The following FANCL variants were observed in gnomAD, a reference collection of about 807,000 sequenced individuals.
FANCL encodes the protein E3 ubiquitin-protein ligase FANCL.
FANCL carries 69 observed loss-of-function variants against 59.4 expected under a neutral mutation model. The observed-to-expected ratio is 1.16, with a 90% CI of 0.96 to 1.42. The LOEUF (loss-of-function observed/expected upper bound fraction) is 1.42. Ranked by LOEUF, FANCL falls within the 40% of genes most tolerant of loss-of-function variation. The pLI, the probability that FANCL is intolerant of heterozygous loss-of-function variation, is 0.00. For missense variants in FANCL, 519 were observed against 447.2 expected (o/e 1.16, Z -1.45); for synonymous variants, 180 against 147.1 (o/e 1.22, Z -1.62).
intron 4 of FANCL, among the ~76,000 whole-genome samples, chr2:58,224,674 G>A (rs1314798232): frequency 6.6e-6 from 1 of 151,758 alleles, no homozygotes; most frequent in Non-Finnish European, 1.5e-5. Flanking sequence ...AGCAATATTA[G>A]TATTGTAATT....
chr2:58,241,335 C>G (rs1463535620), upstream of FANCL: 1 of 1,612,364 alleles, frequency 6.2e-7, no homozygotes, highest in South Asian at 1.1e-5. Context: ...CGGAGAAACA[C>G]AGAAAAGCTC....
intron 5 of FANCL, among the ~76,000 whole-genome samples, 159 bp downstream of exon 5, chr2:58,221,783 T>A (rs371626362): frequency 2.6e-5 from 4 of 152,226 alleles, no homozygotes; most frequent in African/African-American, 9.6e-5. Flanking sequence ...TTTATGATGA[T>A]ATCCCTCTCT....
At chr2:58,203,819 T>C (rs1301407282) in intron 6 of FANCL, among the ~76,000 whole-genome samples, 3 of 152,050 alleles carry the variant, frequency 2.0e-5, no homozygotes, top group Admixed American at 6.6e-5. Flanking sequence ...AAGTGTCCAC[T>C]GTCTTCTACA....
In FANCL at chr2:58,198,668, A is replaced by T. The variant is rs762397392; in HGVS notation, c.472-6T>A. On this transcript the variant is annotated splice_polypyrimidine_tract_variant and splice_region_variant and intron_variant, in intron 6 of 13. Coordinates refer to ENST00000233741, the MANE Select transcript of FANCL (RefSeq NM_018062.4). ...TCTGGTGATTCTGCAGGATACTATT[A>T]AAAAAGCATAACATTAGACCATTTT... The T allele has an allele frequency of 1.2e-6, 2 of 1,610,448 alleles. No individual in the cohort carries two copies. Among genetic ancestry groups the T allele is most frequent in the South Asian group, 1.1e-5 (1 of 90,966 alleles).
At chr2:58,230,199 A>G (rs1390059231) in intron 2 of FANCL, among the ~76,000 whole-genome samples, 1 of 152,260 alleles carries the variant, frequency 6.6e-6, no homozygotes, top group Non-Finnish European at 1.5e-5. Context: ...AGTTTTGATA[A>G]CAATATATCA....
intron 8 of FANCL, 83 bp downstream of exon 8, chr2:58,165,640 GA>G (rs1685846136): frequency 1.3e-6 from 2 of 1,545,036 alleles, no homozygotes; most frequent in African/African-American, 2.7e-5. Context: ...AAAGAAGTCT[GA>G]GTCCAACTGT....
chr2:58,168,527 G>T lies in FANCL; in HGVS notation c.541-2653C>A, dbSNP rs182431723. 1.3e-3 allele frequency among the ~76,000 whole-genome samples: 198 copies of T among 152,150 alleles called. 1 individual carries two copies. The highest frequency in any genetic ancestry group is 3.4e-3 in the Middle Eastern group (1 of 294). On this transcript the variant is annotated intron_variant, in intron 7 of 13. Transcript: ENST00000233741. ...AAGCACAAAACTGGGTGGTCATTTGGGCAGACATTGAGCTAGCTACAGGAG... is the reference window on the plus strand; with the variant it reads ...AAGCACAAAACTGGGTGGTCATTTGTGCAGACATTGAGCTAGCTACAGGAG...
rs565577240 is a variant in FANCL at position 58,176,849 on chromosome 2, C to G, written c.541-10975G>C. On this transcript the variant is annotated intron_variant, in intron 7 of 13. Coordinates refer to ENST00000233741, the MANE Select transcript of FANCL (RefSeq NM_018062.4). ...ACCATCAGAGTGAACAGGCAACCTA[C>G]AAAATGGGAGAACATTTTCGCAACC... Among the ~76,000 whole-genome samples the G allele has an allele frequency of 7.4e-3, 1,122 of 152,178 alleles. 15 individuals carry two copies. The highest frequency in any genetic ancestry group is 0.025 in the African/African-American group (1,052 of 41,512).
chr2:58,230,696 C>G (rs952673717), intron 2 of FANCL, among the ~76,000 whole-genome samples: 1 of 152,192 alleles, frequency 6.6e-6, no homozygotes, highest in African/African-American at 2.4e-5. Context: ...CCATCCCTAT[C>G]TCCTCTCTTA....
chr2:58,170,616 G>A (rs1289471421), intron 7 of FANCL, among the ~76,000 whole-genome samples: 1 of 151,230 alleles, frequency 6.6e-6, no homozygotes, highest in Non-Finnish European at 1.5e-5. Flanking sequence ...CTGTATTCAG[G>A]AGATCCATCT....
At chr2:58,202,239 T>TAAAAAAAA (rs5831491) in intron 6 of FANCL, among the ~76,000 whole-genome samples, 2 of 106,092 alleles carry the variant, frequency 1.9e-5, no homozygotes, top group East Asian at 3.1e-4. Context: ...ACCTTTTTCC[T>TAAAAAAAA]AAAAAAAAAA....
Position 58,208,123 on chromosome 2 carries a change from T to G in FANCL, c.375-3897A>C, listed in dbSNP as rs577884164. 3.9e-4 allele frequency among the ~76,000 whole-genome samples: 59 copies of G among 152,270 alleles called. 1 individual carries two copies. Among genetic ancestry groups the G allele is most frequent in the African/African-American group, 1.3e-3 (53 of 41,558 alleles). On this transcript the variant is annotated intron_variant, in intron 5 of 13. Coordinates refer to ENST00000233741, the MANE Select transcript of FANCL (RefSeq NM_018062.4). ...TTTAGACAACAGGAAATAAATAACT[T>G]TCATTCACTTAAATAAAATATAAAT... is the stretch of plus-strand genomic sequence containing the variant.
chr2:58,217,916 T>C (rs1370345997), intron 5 of FANCL, among the ~76,000 whole-genome samples: 9 of 151,982 alleles, frequency 5.9e-5, no homozygotes, highest in Non-Finnish European at 1.2e-4. Flanking sequence ...TAAGTGGAAA[T>C]AGAACACATA....
At chr2:58,179,088 C>T (rs576890951) in intron 7 of FANCL, among the ~76,000 whole-genome samples, 10 of 152,198 alleles carry the variant, frequency 6.6e-5, no homozygotes, top group African/African-American at 2.2e-4. Flanking sequence ...AGAGAGGACA[C>T]AAACAAATGG....
At chr2:58,183,375 G>C (rs1688110449) in intron 7 of FANCL, among the ~76,000 whole-genome samples, 1 of 150,904 alleles carries the variant, frequency 6.6e-6, no homozygotes, top group Non-Finnish European at 1.5e-5. Context: ...CTCCAAAGTA[G>C]CTTTTCCATC....
intron 5 of FANCL, among the ~76,000 whole-genome samples, chr2:58,213,858 C>T (rs1251056043): frequency 1.3e-5 from 2 of 152,020 alleles, no homozygotes; most frequent in African/African-American, 2.4e-5. Context: ...CCATTTTATT[C>T]GTGGTAAGAT....
chr2:58,173,125 T>C (rs1302010209), intron 7 of FANCL, among the ~76,000 whole-genome samples: 1 of 152,022 alleles, frequency 6.6e-6, no homozygotes, highest in East Asian at 1.9e-4. Context: ...CTCCAAGAAA[T>C]ATGGCACCAT....
chr2:58,224,127 A>T (rs562551159), intron 4 of FANCL, among the ~76,000 whole-genome samples: 2 of 151,850 alleles, frequency 1.3e-5, no homozygotes, highest in Non-Finnish European at 3.0e-5. Context: ...TTTTAAACTA[A>T]TAAGTGTTTC....
intron 7 of FANCL, among the ~76,000 whole-genome samples, chr2:58,181,418 A>C (rs891737552): frequency 7.9e-5 from 12 of 152,072 alleles, no homozygotes; most frequent in Non-Finnish European, 1.5e-4. Context: ...TGTGATGTTA[A>C]TAATGTTCTG....
Sources: allele counts gnomAD v4.1 joint callset (sites outside exome capture counted in the v4.1 genomes callset), GRCh38; gene constraint gnomAD v4.1.1; transcripts MANE v1.5; gene names NCBI Gene and HGNC (gene_info 2026-07-23, HGNC 2026-07-21).